Variants in PRPH2 observed in about 807,000 individuals in gnomAD.
The protein encoded by PRPH2 is peripherin-2.
PRPH2 carries 17 observed loss-of-function variants against 31.3 expected under a neutral mutation model. The observed-to-expected ratio is 0.54, with a 90% CI of 0.37 to 0.81. The LOEUF is 0.81. Ranked by LOEUF, PRPH2 falls within the 40% of genes least tolerant of loss-of-function variation. PRPH2 has a pLI of 0.00. For synonymous variants in PRPH2, 165 were observed against 184.4 expected, an observed-to-expected ratio of 0.89 and a Z score of 0.85; for missense variants, 430 against 439.7, an observed-to-expected ratio of 0.98 and a Z score of 0.20.
intron 1 of PRPH2, 134 bp downstream of exon 1, chr6:42,721,620 A>G: frequency 2.0e-6 from 2 of 1,020,308 alleles, no homozygotes; most frequent in East Asian, 2.4e-5. Context: ...ACACCCTCAC[A>G]TACGCAGCAA....
At chr6:42,699,549 T>C (rs937569170) in intron 2 of PRPH2, among the ~76,000 whole-genome samples, 1 of 152,180 alleles carries the variant, frequency 6.6e-6, no homozygotes, top group African/African-American at 2.4e-5. Flanking sequence ...TCAGATGAAG[T>C]GGTGCCCACC....
chr6:42,703,131 C>T (rs1427359550), intron 2 of PRPH2, among the ~76,000 whole-genome samples: 2 of 148,092 alleles, frequency 1.4e-5, no homozygotes, highest in Non-Finnish European at 3.0e-5. Context: ...GAGTTCAAGG[C>T]TGCAGTGAGC....
Position 42,698,395 on chromosome 6 carries a change from T to C in PRPH2, c.941A>G (p.Glu314Gly), listed in dbSNP as rs1799986270. 1 of 1,613,894 alleles carries C rather than the reference T, an allele frequency of 6.2e-7. No individual in the cohort carries two copies. The highest frequency in any genetic ancestry group is 1.1e-5 in the South Asian group (1 of 91,082). The change falls in exon 3 of 3, where the codon GAG becomes GGG. Residue 314 changes from glutamate (E) to glycine (G), a missense_variant. Glu to Gly is a moderately conservative substitution (Grantham distance 98). Transcript: ENST00000230381. ...ACTCTCCAGAAAGGCCTTCCAGGTC[T>C]CCGGCACGCTCCTCTCCAGCAGCCA... ...QGWLLERSVP[E>G]TWKAFLESVK...
chr6:42,717,492 C>T (rs1349265717), intron 1 of PRPH2, among the ~76,000 whole-genome samples: 1 of 151,890 alleles, frequency 6.6e-6, no homozygotes, highest in Non-Finnish European at 1.5e-5. Flanking sequence ...AATCCTAGCC[C>T]GGGGGGTGCT....
At position 42,722,435 on chromosome 6, in the gene PRPH2, A is replaced by G. The variant is rs1047541362; in HGVS notation, c.-101T>C. ...ACTTAGGGCCTTGGGAAAAGTGCAG[A>G]TGGCCCAAGCTGTAGGGAGCTGCCC... On this transcript the variant is annotated 5_prime_UTR_variant, in exon 1 of 3. Coordinates refer to ENST00000230381, the MANE Select transcript of PRPH2 (RefSeq NM_000322.5). The surrounding 1 kb of genome is among the most constrained non-coding windows in gnomAD (Gnocchi z 4.4). The G allele has an allele frequency of 1.3e-6, 2 of 1,557,002 alleles. No homozygotes were observed. Among genetic ancestry groups the G allele is most frequent in the Non-Finnish European group, 1.7e-6 (2 of 1,157,968 alleles).
chr6:42,700,163 G>A (rs1475669154), intron 2 of PRPH2, among the ~76,000 whole-genome samples: 3 of 152,052 alleles, frequency 2.0e-5, no homozygotes, highest in African/African-American at 7.2e-5. Flanking sequence ...ACAAGGTTTC[G>A]CCATGTTGGC....
intron 1 of PRPH2, among the ~76,000 whole-genome samples, chr6:42,708,193 TG>T (rs1284761696): frequency 6.6e-6 from 1 of 152,172 alleles, no homozygotes; most frequent in Admixed American, 6.5e-5. Context: ...GAGCCCTCCC[TG>T]GGGAGTTGGC....
chr6:42,705,121 C>T (rs372886959), intron 1 of PRPH2, among the ~76,000 whole-genome samples: 2 of 152,316 alleles, frequency 1.3e-5, no homozygotes. Flanking sequence ...CCGAGGCAGG[C>T]ACAGTCCTTG....
intron 1 of PRPH2, 91 bp downstream of exon 1, chr6:42,721,663 C>G: frequency 1.4e-6 from 2 of 1,463,106 alleles, no homozygotes; most frequent in Admixed American, 1.7e-5. Context: ...GGAAAAGGCA[C>G]TGGGTGCGGG....
At position 42,721,850 on chromosome 6, in the gene PRPH2, T is replaced by A; in HGVS notation, c.485A>T (p.Glu162Val). The change falls in exon 1 of 3, where the codon GAG becomes GTG. Residue 162 changes from glutamate (E) to valine (V), a missense_variant. Transcript: ENST00000230381. ...MKKTIDMLQI[E>V]FKCCGNNGFR... Reference sequence around the variant, plus strand: ...ACCGTTGTTGCCGCAGCATTTGAACTCGATCTGCAGCATGTCGATGGTCTT... The same window carrying A: ...ACCGTTGTTGCCGCAGCATTTGAACACGATCTGCAGCATGTCGATGGTCTT... The A allele has an allele frequency of 6.2e-7, 1 of 1,614,220 alleles. No homozygotes were observed.
At chr6:42,710,500 A>G (rs1315851871) in intron 1 of PRPH2, among the ~76,000 whole-genome samples, 1 of 152,158 alleles carries the variant, frequency 6.6e-6, no homozygotes, top group African/African-American at 2.4e-5. Flanking sequence ...GCTTGCCCTC[A>G]TTCCAACCAC....
chr6:42,719,665 G>C (rs1761860161), intron 1 of PRPH2, among the ~76,000 whole-genome samples: 1 of 146,290 alleles, frequency 6.8e-6, no homozygotes, highest in Non-Finnish European at 1.5e-5. Flanking sequence ...CTGCCTCCCT[G>C]GTTCAAGCGT....
rs370855023 is a variant in PRPH2, at chr6:42,702,861, C to T, written c.828+1504G>A. ...CTCCAGCCTGGGTGACAGAGCAAGA[C>T]TTCATCTCAAAAAAAAAGAAAGAAA... On this transcript the variant is annotated intron_variant, in intron 2 of 2. Coordinates refer to ENST00000230381, the MANE Select transcript of PRPH2 (RefSeq NM_000322.5). Among the ~76,000 whole-genome samples the T allele has an allele frequency of 6.2e-5, 9 of 144,936 alleles. No individual in the cohort carries two copies. In the East Asian group the frequency reaches 1.3e-3, roughly 20 times the overall value.
intron 2 of PRPH2, among the ~76,000 whole-genome samples, chr6:42,702,198 C>T (rs1375958613): frequency 2.0e-5 from 3 of 151,348 alleles, no homozygotes; most frequent in East Asian, 2.0e-4. Context: ...GCTGAGATCG[C>T]GCCACTGCAC....
At chr6:42,704,734 G>T in intron 1 of PRPH2, 123 bp from the exon 2 acceptor site, 1 of 1,432,048 alleles carries the variant, frequency 7.0e-7, no homozygotes. Context: ...GTATATATTT[G>T]CTGTGCGCCC....
chr6:42,719,176 T>C (rs1761847479), intron 1 of PRPH2, among the ~76,000 whole-genome samples: 1 of 151,878 alleles, frequency 6.6e-6, no homozygotes, highest in East Asian at 1.9e-4. Flanking sequence ...CCTTTTTTTT[T>C]TTTTTTCTTT....
In PRPH2 at chr6:42,704,534, C is replaced by A; in HGVS notation, c.659G>T (p.Arg220Leu). Reference sequence around the variant, plus strand: ...GGTGATCTGATACTGGATGCAGGGCCGTGGCGAGCTAGGATTGCAGCAGCT... The same window carrying A: ...GGTGATCTGATACTGGATGCAGGGCAGTGGCGAGCTAGGATTGCAGCAGCT... ...PFSCCNPSSP[R>L]PCIQYQITNN... Residue 220 changes from arginine to leucine, a missense_variant, in exon 2 of 3, where the codon CGG (arginine) becomes CTG (leucine). Arg to Leu is a moderately radical substitution (Grantham distance 102, BLOSUM62 -2). Coordinates refer to ENST00000230381, the MANE Select transcript of PRPH2 (RefSeq NM_000322.5). The A allele has an allele frequency of 6.2e-7, 1 of 1,614,126 alleles. No individual in the cohort carries two copies. Among genetic ancestry groups the A allele is most frequent in the East Asian group, 2.2e-5 (1 of 44,878 alleles).
chr6:42,698,868 A>G (rs1253878216), intron 2 of PRPH2, among the ~76,000 whole-genome samples: 2 of 151,806 alleles, frequency 1.3e-5, no homozygotes, highest in African/African-American at 4.8e-5. Flanking sequence ...GCCCTTGGTG[A>G]GCTCCCCGGC....
Position 42,698,171 on chromosome 6 carries a change from G to A in PRPH2, c.*124C>T. On this transcript the variant is annotated 3_prime_UTR_variant, in exon 3 of 3. Coordinates refer to ENST00000230381, the MANE Select transcript of PRPH2 (RefSeq NM_000322.5). ...TAAACTTAAATTCCACCGTCAGGGA[G>A]AGTCTCTGTAAGATGGTGCCCTCCT... 5 of 1,312,728 alleles carry A rather than the reference G, an allele frequency of 3.8e-6. No homozygotes were observed. Among genetic ancestry groups the A allele is most frequent in the Non-Finnish European group, 4.2e-6 (4 of 947,244 alleles). The allele number at this position is 1,312,728 out of a possible 1,614,324, so 81.3% of individuals were successfully genotyped here.
Sources: gnomAD v4.1 joint callset for allele counts (sites outside exome capture counted in the v4.1 genomes callset) on GRCh38, gnomAD v4.1.1 for gene constraint, Gnocchi (gnomAD v3.1) non-coding constraint, MANE v1.5 for transcripts, NCBI Gene and HGNC (gene_info 2026-07-23, HGNC 2026-07-21) for gene names.